Variants in HIVEP3 observed in about 807,000 individuals in gnomAD.
The protein encoded by HIVEP3 is HIVEP zinc finger 3.
HIVEP3 carries 49 observed loss-of-function variants against 152.8 expected under a neutral mutation model. That is an observed-to-expected ratio of 0.32 (90% confidence interval 0.26 to 0.41). The LOEUF (loss-of-function observed/expected upper bound fraction) is 0.41. Among genes scored for constraint, HIVEP3 ranks in the 10% least tolerant of loss-of-function variants. The pLI, the probability that HIVEP3 is intolerant of heterozygous loss-of-function variation, is 1.00. For synonymous variants in HIVEP3, 1,269 were observed against 1,289.0 expected, an observed-to-expected ratio of 0.98 and a Z score of 0.33; for missense variants, 2,790 against 3,103.3, an observed-to-expected ratio of 0.90 and a Z score of 2.40.
intron 1 of HIVEP3, among the ~76,000 whole-genome samples, chr1:41,724,106 C>T (rs1458069403): frequency 1.3e-5 from 2 of 152,136 alleles, no homozygotes; most frequent in African/African-American, 4.8e-5. Flanking sequence ...TCTTTTTCTC[C>T]AGGTTTGCAG....
chr1:41,649,259 G>GT (rs1346982487), intron 2 of HIVEP3, among the ~76,000 whole-genome samples: 4 of 152,210 alleles, frequency 2.6e-5, no homozygotes, highest in African/African-American at 9.7e-5. Flanking sequence ...TTGAAATGAG[G>GT]TAACACATGT....
chr1:41,970,996 T>C (rs958103177), intron 1 of HIVEP3, among the ~76,000 whole-genome samples: 10 of 152,170 alleles, frequency 6.6e-5, no homozygotes, highest in African/African-American at 2.2e-4. Context: ...CTGTTGTATA[T>C]AGATTTGATG....
chr1:41,648,954 G>A (rs1476753476), intron 2 of HIVEP3, among the ~76,000 whole-genome samples: 2 of 152,250 alleles, frequency 1.3e-5, no homozygotes. Flanking sequence ...TTGATGGCTT[G>A]GTAGCTCAAG....
At chr1:41,717,690 T>C (rs1646615398) in intron 1 of HIVEP3, among the ~76,000 whole-genome samples, 1 of 152,146 alleles carries the variant, frequency 6.6e-6, no homozygotes, top group African/African-American at 2.4e-5. Context: ...GCAGGTTAGG[T>C]GACTTGCCTG....
chr1:41,859,051 G>T (rs1643847631), intron 1 of HIVEP3, among the ~76,000 whole-genome samples: 1 of 152,228 alleles, frequency 6.6e-6, no homozygotes, highest in Non-Finnish European at 1.5e-5. Context: ...GCTATATGCT[G>T]CCCAGGGTTA....
intron 4 of HIVEP3, among the ~76,000 whole-genome samples, chr1:41,577,886 T>C (rs77265495): frequency 1.3e-5 from 2 of 152,212 alleles, no homozygotes; most frequent in Non-Finnish European, 1.5e-5. Context: ...GTGGTTATAC[T>C]AATGTACCAG....
chr1:41,949,328 A>G (rs1163086516), intron 1 of HIVEP3, among the ~76,000 whole-genome samples: 1 of 152,220 alleles, frequency 6.6e-6, no homozygotes, highest in African/African-American at 2.4e-5. Context: ...TGGCGGTATC[A>G]CAACCCCTAC....
intron 1 of HIVEP3, among the ~76,000 whole-genome samples, chr1:41,752,385 G>T (rs187104742): frequency 3.3e-5 from 5 of 152,294 alleles, no homozygotes; most frequent in African/African-American, 1.2e-4. Context: ...ATGAACCAGG[G>T]GCCTAGACCA....
Position 41,509,706 on chromosome 1 carries a change from C to T in HIVEP3, c.*745G>A, listed in dbSNP as rs937077266. ...CCACCTGTGGAGTGCCAGGATGGGC[C>T]CATGACTCAGACTACCAGAGTATCC... On this transcript the variant is annotated 3_prime_UTR_variant, in exon 9 of 9. Coordinates refer to ENST00000372583, the MANE Select transcript of HIVEP3 (RefSeq NM_024503.5). 6.6e-6 allele frequency: 1 copy of T among 151,488 alleles called. No individual in the cohort carries two copies. Among genetic ancestry groups the T allele is most frequent in the Non-Finnish European group, 1.5e-5 (1 of 67,906 alleles). The allele number at this position is 151,488 out of a possible 1,614,324, so 9.4% of individuals were successfully genotyped here.
At chr1:41,908,932 C>T (rs945446818) in intron 1 of HIVEP3, among the ~76,000 whole-genome samples, 3 of 152,108 alleles carry the variant, frequency 2.0e-5, no homozygotes, top group African/African-American at 7.2e-5. Context: ...CCAGGAACTC[C>T]AATGAATACC....
chr1:41,662,937 G>C lies in HIVEP3; in HGVS notation c.-720-33990C>G, dbSNP rs1379551299. 2.6e-5 allele frequency among the ~76,000 whole-genome samples: 4 copies of C among 152,100 alleles called. No homozygotes were observed. Among genetic ancestry groups the C allele is most frequent in the African/African-American group, 9.7e-5 (4 of 41,450 alleles). On this transcript the variant is annotated intron_variant, in intron 2 of 8. Transcript: ENST00000372583. The surrounding 1 kb of genome is among the most constrained non-coding windows in gnomAD (Gnocchi z 7.2). ...CCCGCGCCTCCCCAGGCGGGAATCC[G>C]CTTTAATGAGCTCTGGGCGGGGCGG...
chr1:42,031,337 T>C (rs1236631300), intron 1 of HIVEP3, among the ~76,000 whole-genome samples: 1 of 152,230 alleles, frequency 6.6e-6, no homozygotes, highest in East Asian at 1.9e-4. Context: ...AGCTGTTTCT[T>C]CCTTCTGGAT....
rs751751472 is a variant in HIVEP3, at chr1:41,579,942, T to G, written c.4856A>C (p.His1619Pro). 1 of 1,614,256 alleles carries G rather than the reference T, an allele frequency of 6.2e-7. No individual in the cohort carries two copies. The highest frequency in any genetic ancestry group is 1.1e-5 in the South Asian group (1 of 91,088). The change falls in exon 4 of 9, where the codon CAT (histidine) becomes CCT (proline). Residue 1619 changes from histidine to proline, a missense_variant. His to Pro is a moderately conservative substitution (Grantham distance 77, BLOSUM62 -2). Around this residue, in one of 9 missense-constraint regions of HIVEP3, gnomAD observed 1,078 missense variants for 1,165.3 expected, o/e 0.93. Coordinates refer to ENST00000372583, the MANE Select transcript of HIVEP3 (RefSeq NM_024503.5). ...LNYIKPNHIQ[H>P]ADRRSSVYAG... ...GTAAACAGAGGACCTCCTATCTGCA[T>G]GCTGGATGTGATTTGGCTTAATGTA... is the stretch of plus-strand genomic sequence containing the variant.
intron 6 of HIVEP3, among the ~76,000 whole-genome samples, chr1:41,521,894 G>A (rs1464439220): frequency 6.6e-6 from 1 of 152,220 alleles, no homozygotes; most frequent in African/African-American, 2.4e-5. Flanking sequence ...CTGGCCTCTG[G>A]GAACCATCTG....
Position 41,582,423 on chromosome 1 carries a change from G to T in HIVEP3, c.2375C>A (p.Thr792Lys). 12 of 1,614,222 alleles carry T rather than the reference G, an allele frequency of 7.4e-6. No homozygotes were observed. The highest frequency in any genetic ancestry group is 1.0e-5 in the Non-Finnish European group (12 of 1,180,028). Residue 792 changes from threonine to lysine, a missense_variant, in exon 4 of 9, where the codon ACA (threonine) becomes AAA (lysine). Coordinates refer to ENST00000372583, the MANE Select transcript of HIVEP3 (RefSeq NM_024503.5). This position sits in a 1 kb window ranked among gnomAD's most constrained non-coding sequence, Gnocchi z 4.7. ...SGSESGKERRTTSKEISVIQH... is the reference protein window; with the variant it reads ...SGSESGKERRKTSKEISVIQH... ...GATGACAGAAATTTCTTTGGACGTT[G>T]TTCTCCTCTCCTTCCCTGATTCTGA...
intron 1 of HIVEP3, among the ~76,000 whole-genome samples, chr1:41,898,076 C>T (rs1483644891): frequency 6.6e-6 from 1 of 152,052 alleles, no homozygotes; most frequent in African/African-American, 2.4e-5. Flanking sequence ...TCTCACAGGG[C>T]CCCTGCACTC....
chr1:41,825,179 C>G (rs438876), intron 1 of HIVEP3, among the ~76,000 whole-genome samples: 118,247 of 151,908 alleles, frequency 0.78, 46,244 homozygotes, highest in East Asian at 1. Context: ...GTTGGAGTTA[C>G]GAGCAATTTT....
chr1:41,668,000 G>A (rs925495987), intron 2 of HIVEP3, among the ~76,000 whole-genome samples: 1 of 152,108 alleles, frequency 6.6e-6, no homozygotes, highest in Non-Finnish European at 1.5e-5. Flanking sequence ...ATGAACACAA[G>A]GTAAACAGCA....
chr1:42,001,934 C>T (rs1017029959), intron 1 of HIVEP3, among the ~76,000 whole-genome samples: 1 of 152,036 alleles, frequency 6.6e-6, no homozygotes, highest in African/African-American at 2.4e-5. Context: ...CACCCAAGCC[C>T]CCATTCCAGC....
Sources: gnomAD v4.1 joint callset for allele counts (sites outside exome capture counted in the v4.1 genomes callset) on GRCh38, gnomAD v4.1.1 for gene constraint, gnomAD v4.1.1 regional missense constraint, Gnocchi (gnomAD v3.1) non-coding constraint, MANE v1.5 for transcripts, NCBI Gene and HGNC (gene_info 2026-07-23, HGNC 2026-07-21) for gene names.